RPL39L: variants seen among roughly 807,000 people sequenced by gnomAD.
RPL39L encodes ribosomal protein eL39-like 2.
For synonymous variants in RPL39L, 16 were observed against 20.1 expected (o/e 0.80, Z 0.55); for missense variants, 48 against 58.9 (o/e 0.81, Z 0.61).
chr3:187,133,091 C>T (rs1383595160), intron 1 of RPL39L, among the ~76,000 whole-genome samples: 2 of 152,168 alleles, frequency 1.3e-5, no homozygotes, highest in Non-Finnish European at 2.9e-5. Flanking sequence ...AGTTTGCTTC[C>T]ACTTTCAGTC....
chr3:187,134,534 A>G (rs547302874), intron 1 of RPL39L, among the ~76,000 whole-genome samples: 1 of 152,124 alleles, frequency 6.6e-6, no homozygotes, highest in East Asian at 1.9e-4. Context: ...CTGCAATGAA[A>G]AAGGGGACAA....
intron 2 of RPL39L, among the ~76,000 whole-genome samples, chr3:187,123,711 T>C (rs1460630679): frequency 1.3e-5 from 2 of 152,178 alleles, no homozygotes; most frequent in Non-Finnish European, 2.9e-5. Context: ...TTGAAGCCAA[T>C]CTTGTTTGAA....
intron 1 of RPL39L, among the ~76,000 whole-genome samples, chr3:187,134,483 T>TAAAAAAAAGAA (rs1720539115): frequency 2.1e-5 from 2 of 93,426 alleles, no homozygotes; most frequent in African/African-American, 8.5e-5. Context: ...GCCTGACTGA[T>TAAAAAAAAGAA]AAAAAAAAAA....
At chr3:187,125,235 A>G (rs925945677) in intron 2 of RPL39L, among the ~76,000 whole-genome samples, 1 of 152,248 alleles carries the variant, frequency 6.6e-6, no homozygotes, top group African/African-American at 2.4e-5. Context: ...AGAAATGGAA[A>G]TTTATACTAA....
At chr3:187,132,973 A>C (rs1720511546) in intron 1 of RPL39L, among the ~76,000 whole-genome samples, 1 of 152,226 alleles carries the variant, frequency 6.6e-6, no homozygotes, top group Non-Finnish European at 1.5e-5. Context: ...GACATCAAGT[A>C]CCTCATACAC....
At chr3:187,133,267 G>A (rs1417281698) in intron 1 of RPL39L, among the ~76,000 whole-genome samples, 1 of 152,136 alleles carries the variant, frequency 6.6e-6, no homozygotes, top group African/African-American at 2.4e-5. Context: ...TGTTGAGGGA[G>A]GGACCTGGTA....
At chr3:187,132,025 A>C (rs1380505899) in intron 1 of RPL39L, among the ~76,000 whole-genome samples, 1 of 152,180 alleles carries the variant, frequency 6.6e-6, no homozygotes. Flanking sequence ...GCACATGATA[A>C]CGCTTTCGTC....
chr3:187,121,421 CT>C, intron 2 of RPL39L, 93 bp from the exon 3 acceptor site: 1 of 1,287,840 alleles, frequency 7.8e-7, no homozygotes, highest in Non-Finnish European at 1.1e-6. Context: ...GAAAGAGGAT[CT>C]TTAGTGCCAC....
intron 1 of RPL39L, among the ~76,000 whole-genome samples, chr3:187,130,544 C>T (rs1237465229): frequency 3.9e-5 from 6 of 152,170 alleles, no homozygotes; most frequent in South Asian, 2.1e-4. Flanking sequence ...TGCCATGTGA[C>T]GTGCCTGCTC....
At chr3:187,128,245 T>TG (rs1720430926) in intron 1 of RPL39L, among the ~76,000 whole-genome samples, 183 bp from the exon 2 acceptor site, 1 of 152,202 alleles carries the variant, frequency 6.6e-6, no homozygotes, top group Non-Finnish European at 1.5e-5. Flanking sequence ...AAACACGTAA[T>TG]ATTAAACTGA....
Position 187,127,979 on chromosome 3 carries a change from A to G in RPL39L, c.-29+20T>C, listed in dbSNP as rs1720426280. The G allele has an allele frequency of 6.6e-6, 1 of 152,238 alleles. No individual in the cohort carries two copies. The highest frequency in any genetic ancestry group is 2.1e-4 in the South Asian group (1 of 4,834). 9.4% of individuals were successfully genotyped at this position (152,238 alleles called of 1,614,324 possible). ...ACACTTTTTTTTCACAAGTTGAAAG[A>G]AAGAGGAAGAAAATCCTACCTTTTT... is the stretch of plus-strand genomic sequence containing the variant. On this transcript the variant is annotated intron_variant, in intron 2 of 2. Transcript: ENST00000296277.
chr3:187,122,900 T>G (rs1022891858), intron 2 of RPL39L, among the ~76,000 whole-genome samples: 2 of 152,144 alleles, frequency 1.3e-5, no homozygotes, highest in Non-Finnish European at 1.5e-5. Flanking sequence ...TCTGTGAATT[T>G]CAGCTCTCAA....
chr3:187,134,712 T>C (rs954314751), intron 1 of RPL39L, among the ~76,000 whole-genome samples: 1 of 152,160 alleles, frequency 6.6e-6, no homozygotes. Flanking sequence ...TCTATGTCTA[T>C]TAAAAATGTT....
intron 1 of RPL39L, among the ~76,000 whole-genome samples, chr3:187,134,692 C>T (rs1056280587): frequency 2.6e-5 from 4 of 152,130 alleles, no homozygotes; most frequent in Admixed American, 2.6e-4. Context: ...AAGTGCATAA[C>T]CTAAGTAGTT....
chr3:187,123,767 G>A (rs1720351890), intron 2 of RPL39L, among the ~76,000 whole-genome samples: 1 of 152,180 alleles, frequency 6.6e-6, no homozygotes, highest in East Asian at 1.9e-4. Flanking sequence ...AAGAACTACA[G>A]TAGGACAAAT....
intron 2 of RPL39L, among the ~76,000 whole-genome samples, chr3:187,125,385 C>T (rs1720380322): frequency 2.0e-5 from 3 of 151,978 alleles, no homozygotes; most frequent in Admixed American, 2.0e-4. Context: ...TGGAGGTTGG[C>T]CATAACTTGC....
chr3:187,137,596 T>G (rs1443778444), intron 1 of RPL39L, among the ~76,000 whole-genome samples: 1 of 152,208 alleles, frequency 6.6e-6, no homozygotes, highest in East Asian at 1.9e-4. Flanking sequence ...GCAGATCATC[T>G]GAGGTCAGGA....
rs375784060 is a variant in RPL39L, at chr3:187,137,505, G to A, written c.-93+1708C>T. Among the ~76,000 whole-genome samples the A allele has an allele frequency of 7.3e-5, 11 of 151,324 alleles. No individual in the cohort carries two copies. In the South Asian group the frequency reaches 1.0e-3, roughly 14 times the overall value. ...AGCCTGGGCAACAGAGTAAGACTCC[G>A]TCTTCAAAAAAGAAAAAGAAAAATT... On this transcript the variant is annotated intron_variant, in intron 1 of 2. Coordinates refer to ENST00000296277, the MANE Select transcript of RPL39L (RefSeq NM_052969.3).
intron 1 of RPL39L, among the ~76,000 whole-genome samples, chr3:187,134,483 T>TAAAAAAAAGAAAAAAAAAA (rs1720539115): frequency 1.1e-5 from 1 of 93,426 alleles, no homozygotes; most frequent in African/African-American, 4.2e-5. Flanking sequence ...GCCTGACTGA[T>TAAAAAAAAGAAAAAAAAAA]AAAAAAAAAA....
Sources: gnomAD v4.1 joint callset for allele counts (sites outside exome capture counted in the v4.1 genomes callset) on GRCh38, gnomAD v4.1.1 for gene constraint, MANE v1.5 for transcripts, NCBI Gene and HGNC (gene_info 2026-07-23, HGNC 2026-07-21) for gene names.